The following AFF3 variants were observed in gnomAD, a reference collection of about 807,000 sequenced individuals.
AFF3 encodes ALF transcription elongation factor 3, also known as AF4/FMR2 family member 3.
A neutral mutation model predicts 129.7 loss-of-function variants in AFF3; 32 were observed. The ratio of observed to expected loss-of-function variants is 0.25; its 90% confidence interval spans 0.19 to 0.33. AFF3 has a LOEUF of 0.33. Among genes scored for constraint, AFF3 ranks in the 10% least tolerant of loss-of-function variants. The pLI, the probability that AFF3 is intolerant of heterozygous loss-of-function variation, is 1.00. For synonymous variants in AFF3, 644 were observed against 635.4 expected (o/e 1.01, Z -0.20); for missense variants, 1,373 against 1,592.0 (o/e 0.86, Z 2.34).
chr2:99,985,929 A>T (rs1679814780), intron 7 of AFF3, among the ~76,000 whole-genome samples: 1 of 152,006 alleles, frequency 6.6e-6, no homozygotes, highest in African/African-American at 2.4e-5. Context: ...GGCCAGGCGC[A>T]GTGGCTCACG....
chr2:100,075,180 G>T (rs974524713), intron 4 of AFF3, among the ~76,000 whole-genome samples: 1 of 152,050 alleles, frequency 6.6e-6, no homozygotes, highest in Admixed American at 6.5e-5. Context: ...GGGGACCATG[G>T]GCAAACAGAA....
chr2:100,080,554 T>C (rs533338240), intron 4 of AFF3, among the ~76,000 whole-genome samples: 11 of 151,776 alleles, frequency 7.2e-5, no homozygotes, highest in Non-Finnish European at 1.6e-4. Flanking sequence ...CCATCTCTTC[T>C]AAAGGGAGGG....
rs56151323 is a variant in AFF3 at position 99,593,392 on chromosome 2, G to C, written c.2269C>G (p.Leu757Val). The change falls in exon 15 of 25, where the codon CTA becomes GTA. Residue 757 changes from leucine to valine, a missense_variant. Coordinates refer to ENST00000672756, the MANE Select transcript of AFF3 (RefSeq NM_001386135.1). ...GACCTGATCTCATCACTGTCCTTTA[G>C]AGGGGAGAGAAGTTCGTTCCGGCCA... ...PFGRNELLSP[L>V]KDSDEIRSLW... is the part of the protein sequence containing the mutation. 10 of 1,613,918 alleles carry C rather than the reference G, an allele frequency of 6.2e-6. No individual in the cohort carries two copies. The highest frequency in any genetic ancestry group is 8.5e-6 in the Non-Finnish European group (10 of 1,180,008).
chr2:99,923,292 T>C (rs966401043), intron 7 of AFF3, among the ~76,000 whole-genome samples: 22 of 152,214 alleles, frequency 1.4e-4, no homozygotes, highest in Non-Finnish European at 2.5e-4. Flanking sequence ...AGCTACAAGA[T>C]TTTGTTCACA....
intron 13 of AFF3, among the ~76,000 whole-genome samples, chr2:99,613,543 G>GT (rs1037735217): frequency 6.6e-5 from 10 of 151,978 alleles, no homozygotes; most frequent in African/African-American, 2.4e-4. Context: ...TAAAAGCATG[G>GT]TATCTATTAT....
At chr2:99,645,569 G>A (rs962323811) in intron 13 of AFF3, among the ~76,000 whole-genome samples, 1 of 152,140 alleles carries the variant, frequency 6.6e-6, no homozygotes, top group African/African-American at 2.4e-5. Context: ...GCGCAAGTGA[G>A]TGGGGCTGAA....
In AFF3 at chr2:100,057,396, A is replaced by G. The variant is rs188355926; in HGVS notation, c.53+47006T>C. On this transcript the variant is annotated intron_variant, in intron 4 of 24. Coordinates refer to ENST00000672756, the MANE Select transcript of AFF3 (RefSeq NM_001386135.1). ...AGGCCTGCCACTTACTAGTTCTATGACCACAGGATAAGTTACCCAATCTCT... is the reference window on the plus strand; with the variant it reads ...AGGCCTGCCACTTACTAGTTCTATGGCCACAGGATAAGTTACCCAATCTCT... Among the ~76,000 whole-genome samples, 493 of 151,626 alleles carry G rather than the reference A, an allele frequency of 3.3e-3. 4 individuals are homozygous for G. The highest frequency in any genetic ancestry group is 0.011 in the African/African-American group (468 of 41,346).
intron 8 of AFF3, among the ~76,000 whole-genome samples, chr2:99,805,855 G>T (rs1686311890): frequency 1.2e-5 from 1 of 85,112 alleles, no homozygotes; most frequent in Non-Finnish European, 3.0e-5. Flanking sequence ...CACACACGAT[G>T]AAGGAACATT....
At chr2:99,659,927 TGCTCATCTGG>T (rs1262710414) in intron 12 of AFF3, among the ~76,000 whole-genome samples, 1 of 152,214 alleles carries the variant, frequency 6.6e-6, no homozygotes, top group Non-Finnish European at 1.5e-5. Flanking sequence ...CTCTGTGGCC[TGCTCATCTGG>T]GCTTTGGTCA....
Position 99,695,433 on chromosome 2 carries a change from G to T in AFF3, c.1092-22844C>A, listed in dbSNP as rs1206097056. 2.0e-5 allele frequency among the ~76,000 whole-genome samples: 3 copies of T among 152,294 alleles called. No homozygotes were observed. In the East Asian group the frequency reaches 5.8e-4, roughly 29 times the overall value. ...CTTCCCAACAACCAGGGGATATACT[G>T]CTGGCTCCTACATCTATGGGCACAC... is the stretch of plus-strand genomic sequence containing the variant. On this transcript the variant is annotated intron_variant, in intron 11 of 24. Transcript: ENST00000672756.
intron 13 of AFF3, among the ~76,000 whole-genome samples, chr2:99,643,781 A>T (rs1399903468): frequency 2.6e-5 from 4 of 152,226 alleles, no homozygotes; most frequent in Non-Finnish European, 5.9e-5. Flanking sequence ...GCTTCTGGAC[A>T]CAGACCATTT....
chr2:99,730,718 T>C (rs1679757266), intron 10 of AFF3, among the ~76,000 whole-genome samples: 1 of 152,072 alleles, frequency 6.6e-6, no homozygotes, highest in Admixed American at 6.5e-5. Flanking sequence ...TTTCACCATA[T>C]TGGCCAGGCT....
intron 8 of AFF3, among the ~76,000 whole-genome samples, chr2:99,752,606 C>A (rs1681749851): frequency 6.6e-6 from 1 of 152,132 alleles, no homozygotes; most frequent in African/African-American, 2.4e-5. Context: ...AGCAAAAGTT[C>A]TATGGAAAAT....
intron 7 of AFF3, among the ~76,000 whole-genome samples, chr2:99,852,190 T>TAG (rs1690196847): frequency 6.6e-6 from 1 of 152,180 alleles, no homozygotes; most frequent in African/African-American, 2.4e-5. Flanking sequence ...AGGAAAGTCC[T>TAG]AGAGTCAGCC....
At chr2:99,791,640 T>C (rs751842728) in intron 8 of AFF3, among the ~76,000 whole-genome samples, 3 of 152,186 alleles carry the variant, frequency 2.0e-5, no homozygotes, top group Non-Finnish European at 4.4e-5. Context: ...ATGCCCCAAA[T>C]TTCATACTCA....
At chr2:100,125,888 C>T (rs919823437) in intron 2 of AFF3, among the ~76,000 whole-genome samples, 1 of 152,124 alleles carries the variant, frequency 6.6e-6, no homozygotes, top group African/African-American at 2.4e-5. Context: ...CAGGTTTACA[C>T]AGGCATGGTA....
At chr2:99,793,146 G>A (rs1685316074) in intron 8 of AFF3, among the ~76,000 whole-genome samples, 1 of 152,108 alleles carries the variant, frequency 6.6e-6, no homozygotes, top group African/African-American at 2.4e-5. Context: ...CATGGTAATG[G>A]GTGAGTTTCT....
At chr2:99,683,066 C>T (rs951248309) in intron 11 of AFF3, among the ~76,000 whole-genome samples, 24 of 152,154 alleles carry the variant, frequency 1.6e-4, no homozygotes, top group African/African-American at 5.3e-4. Flanking sequence ...GCACTAATTC[C>T]CTATGTTAAG....
intron 10 of AFF3, among the ~76,000 whole-genome samples, chr2:99,735,018 A>T (rs940440868): frequency 6.6e-6 from 1 of 152,180 alleles, no homozygotes; most frequent in African/African-American, 2.4e-5. Context: ...AATGATTTTT[A>T]AAAAATTACT....
Sources: gnomAD v4.1 joint callset for allele counts (sites outside exome capture counted in the v4.1 genomes callset) on GRCh38, gnomAD v4.1.1 for gene constraint, MANE v1.5 for transcripts, NCBI Gene and HGNC (gene_info 2026-07-23, HGNC 2026-07-21) for gene names.